SIL1: variants seen among roughly 807,000 people sequenced by gnomAD.
SIL1 encodes SIL1 nucleotide exchange factor.
SIL1 carries 40 observed loss-of-function variants against 49.1 expected under a neutral mutation model. The observed-to-expected ratio is 0.81, with a 90% CI of 0.63 to 1.06. The LOEUF (loss-of-function observed/expected upper bound fraction) is 1.06, where lower values mean the gene tolerates loss of function less well. Ranked by LOEUF, SIL1 falls within the 50% of genes least tolerant of loss-of-function variation. The pLI is 0.00. For missense variants in SIL1, 500 were observed against 572.6 expected (o/e 0.87, Z 1.29); for synonymous variants, 253 against 250.8 (o/e 1.01, Z -0.08).
intron 5 of SIL1, chr5:139,033,043 G>A (rs1453235928): frequency 6.6e-6 from 1 of 152,068 alleles, no homozygotes; most frequent in African/African-American, 2.4e-5. Context: ...GCTCAGACTG[G>A]AGTGCAGTGG....
At chr5:139,057,849 G>A (rs1769489771) in intron 3 of SIL1, among the ~76,000 whole-genome samples, 1 of 152,238 alleles carries the variant, frequency 6.6e-6, no homozygotes, top group Non-Finnish European at 1.5e-5. Context: ...GTGAGAGCCT[G>A]TTCCTCACAG....
chr5:139,027,226 G>C (rs146717637), intron 5 of SIL1, among the ~76,000 whole-genome samples: 2 of 152,294 alleles, frequency 1.3e-5, no homozygotes, highest in African/African-American at 4.8e-5. Flanking sequence ...TCCAAGATTC[G>C]CTTATTCAAG....
At chr5:139,042,354 C>T (rs1313158856) in intron 5 of SIL1, among the ~76,000 whole-genome samples, 1 of 152,134 alleles carries the variant, frequency 6.6e-6, no homozygotes, top group African/African-American at 2.4e-5. Context: ...CTGCTCAGTG[C>T]CTCAATTTCT....
At chr5:139,175,208 G>C (rs907185989) in intron 1 of SIL1, among the ~76,000 whole-genome samples, 2 of 152,146 alleles carry the variant, frequency 1.3e-5, no homozygotes, top group African/African-American at 4.8e-5. Context: ...TGTAGTCCCA[G>C]TTACTCAGAA....
chr5:139,166,330 C>T (rs954015767), intron 1 of SIL1, among the ~76,000 whole-genome samples: 2 of 152,122 alleles, frequency 1.3e-5, no homozygotes, highest in African/African-American at 4.8e-5. Context: ...CCATTAAATA[C>T]TTCTTATTGC....
chr5:139,149,881 TTAGA>T (rs2151805155), intron 1 of SIL1, among the ~76,000 whole-genome samples: 1 of 152,178 alleles, frequency 6.6e-6, no homozygotes, highest in Non-Finnish European at 1.5e-5. Flanking sequence ...GCCAGACAGG[TTAGA>T]TAGAGTTCAA....
intron 3 of SIL1, among the ~76,000 whole-genome samples, chr5:139,059,422 T>C (rs2150463438): frequency 6.6e-6 from 1 of 152,338 alleles, no homozygotes; most frequent in South Asian, 2.1e-4. Flanking sequence ...CCTCTTTCCT[T>C]TATAAATTAC....
At chr5:139,032,738 A>G (rs1768819711) in intron 5 of SIL1, among the ~76,000 whole-genome samples, 1 of 152,160 alleles carries the variant, frequency 6.6e-6, no homozygotes, top group African/African-American at 2.4e-5. Context: ...AAGTTTTTTT[A>G]ATGGTTATAG....
intron 1 of SIL1, among the ~76,000 whole-genome samples, chr5:139,138,498 G>T (rs1026495354): frequency 6.6e-6 from 1 of 152,140 alleles, no homozygotes; most frequent in Non-Finnish European, 1.5e-5. Flanking sequence ...AACAACCAAG[G>T]TTACAAGAAG....
At chr5:139,136,371 G>A (rs1581126420) in intron 1 of SIL1, among the ~76,000 whole-genome samples, 2 of 152,320 alleles carry the variant, frequency 1.3e-5, no homozygotes, top group East Asian at 1.9e-4. Context: ...CTAAGGCAGG[G>A]CAAGAGTTTC....
chr5:139,099,989 C>T (rs747310915), intron 3 of SIL1, among the ~76,000 whole-genome samples: 2 of 152,106 alleles, frequency 1.3e-5, no homozygotes, highest in African/African-American at 4.8e-5. Flanking sequence ...CCCCATTCTC[C>T]ATAATGTGAT....
chr5:139,189,891 C>A (rs1035226860), intron 1 of SIL1, among the ~76,000 whole-genome samples: 17 of 152,142 alleles, frequency 1.1e-4, no homozygotes, highest in Admixed American at 9.8e-4. Flanking sequence ...AACCATCCCC[C>A]ACATCCCCCA....
intron 8 of SIL1, 152 bp downstream of exon 8, chr5:138,951,636 G>T: frequency 1.3e-6 from 1 of 793,800 alleles, no homozygotes; most frequent in East Asian, 2.6e-5. Flanking sequence ...ACTGCCATCT[G>T]CTTTAGTTGA....
intron 3 of SIL1, among the ~76,000 whole-genome samples, chr5:139,057,934 C>A (rs1007819442): frequency 6.6e-6 from 1 of 152,176 alleles, no homozygotes; most frequent in African/African-American, 2.4e-5. Flanking sequence ...TAATCCTATT[C>A]ATGAGGCGTG....
intron 2 of SIL1, among the ~76,000 whole-genome samples, chr5:139,122,773 C>T (rs888839342): frequency 3.3e-5 from 5 of 152,120 alleles, no homozygotes; most frequent in African/African-American, 1.2e-4. Flanking sequence ...ATTTAGATGG[C>T]AGAATTTCAG....
chr5:139,051,421 A>G (rs927476484), intron 3 of SIL1, among the ~76,000 whole-genome samples: 3 of 152,090 alleles, frequency 2.0e-5, no homozygotes, highest in African/African-American at 7.2e-5. Context: ...AGGACATGCT[A>G]CTTTACCGTC....
chr5:139,176,343 C>T (rs920560927), intron 1 of SIL1, among the ~76,000 whole-genome samples: 2 of 152,154 alleles, frequency 1.3e-5, no homozygotes, highest in South Asian at 2.1e-4. Flanking sequence ...TCTGAACCTT[C>T]GTCGGAATTA....
chr5:139,180,970 T>C (rs575167771), intron 1 of SIL1, among the ~76,000 whole-genome samples: 1 of 152,292 alleles, frequency 6.6e-6, no homozygotes, highest in Non-Finnish European at 1.5e-5. Context: ...TAAGCAGCCA[T>C]TCATTGTGCT....
intron 4 of SIL1, among the ~76,000 whole-genome samples, chr5:139,045,094 T>A (rs1769124084): frequency 6.6e-6 from 1 of 152,164 alleles, no homozygotes; most frequent in African/African-American, 2.4e-5. Flanking sequence ...TGGTGGGTCA[T>A]GCCTGTAATT....
Sources: gnomAD v4.1 joint callset for allele counts (sites outside exome capture counted in the v4.1 genomes callset) on GRCh38, gnomAD v4.1.1 for gene constraint, MANE v1.5 for transcripts, NCBI Gene and HGNC (gene_info 2026-07-23, HGNC 2026-07-21) for gene names.